The following ARB2A variants were observed in gnomAD, a reference collection of about 807,000 sequenced individuals.
ARB2A encodes cotranscriptional regulator ARB2A.
chr5:93,791,918 T>G, the ARB2A span, among the ~76,000 whole-genome samples: 1 of 150,838 alleles, frequency 6.6e-6, no homozygotes, highest in African/African-American at 2.4e-5. Context: ...ATGTGTAAGA[T>G]AGGTTTAAAA....
At chr5:93,812,161 T>C in the ARB2A span, among the ~76,000 whole-genome samples, 2 of 152,148 alleles carry the variant, frequency 1.3e-5, no homozygotes, top group African/African-American at 2.4e-5. Flanking sequence ...TATGTAGACA[T>C]AATATAAATA....
At chr5:93,825,599 A>G in the ARB2A span, among the ~76,000 whole-genome samples, 1 of 152,088 alleles carries the variant, frequency 6.6e-6, no homozygotes, top group South Asian at 2.1e-4. Flanking sequence ...CTTGAATGAG[A>G]TCCTCTCCAG....
chr5:93,890,528 C>G, the ARB2A span, among the ~76,000 whole-genome samples: 1 of 151,646 alleles, frequency 6.6e-6, no homozygotes, highest in African/African-American at 2.4e-5. Flanking sequence ...TTTAAATTTC[C>G]TTTTTAGAAA....
chr5:93,794,341 G>A, the ARB2A span, among the ~76,000 whole-genome samples: 1 of 151,876 alleles, frequency 6.6e-6, no homozygotes, highest in African/African-American at 2.4e-5. Context: ...TCATGTGTTT[G>A]ATTTTTTAAA....
At chr5:94,030,716 G>T in the ARB2A span, among the ~76,000 whole-genome samples, 1 of 152,200 alleles carries the variant, frequency 6.6e-6, no homozygotes, top group South Asian at 2.1e-4. Flanking sequence ...GTATTGGGAG[G>T]TGGAGCCTTT....
chr5:93,966,951 T>A, the ARB2A span, among the ~76,000 whole-genome samples: 11 of 152,090 alleles, frequency 7.2e-5, 1 homozygote, highest in South Asian at 2.3e-3. Context: ...CTTAAAATTG[T>A]ACATGAATTC....
At chr5:93,782,575 T>G in the ARB2A span, among the ~76,000 whole-genome samples, 5 of 152,156 alleles carry the variant, frequency 3.3e-5, no homozygotes, top group Non-Finnish European at 5.9e-5. Context: ...AAACAAAAGA[T>G]GAATACAGTT....
the ARB2A span, among the ~76,000 whole-genome samples, chr5:94,040,899 C>T: frequency 1.3e-5 from 2 of 152,104 alleles, no homozygotes; most frequent in African/African-American, 2.4e-5. Flanking sequence ...GTCTATGTTT[C>T]GTCACACGTA....
chr5:93,691,287 T>C, the ARB2A span, among the ~76,000 whole-genome samples: 2 of 150,980 alleles, frequency 1.3e-5, no homozygotes, highest in Admixed American at 6.6e-5. Context: ...TGAAAAAAGG[T>C]TAGAGGAATT....
the ARB2A span, among the ~76,000 whole-genome samples, chr5:94,041,093 G>A: frequency 4.6e-5 from 7 of 150,554 alleles, no homozygotes; most frequent in African/African-American, 9.8e-5. Flanking sequence ...TGTCTCTCTC[G>A]GTCTCTCTCT....
At chr5:94,103,159 T>C in the ARB2A span, among the ~76,000 whole-genome samples, 17 of 152,120 alleles carry the variant, frequency 1.1e-4, no homozygotes, top group Non-Finnish European at 2.1e-4. Context: ...GATCAAATGT[T>C]CACATATCAA....
At chr5:93,910,770 A>T in the ARB2A span, 2 of 151,506 alleles carry the variant, frequency 1.3e-5, no homozygotes, top group Non-Finnish European at 3.0e-5. Flanking sequence ...TTAACATTTT[A>T]AACTACAGGG....
the ARB2A span, among the ~76,000 whole-genome samples, chr5:93,806,200 T>C: frequency 6.6e-6 from 1 of 151,986 alleles, no homozygotes; most frequent in Non-Finnish European, 1.5e-5. Flanking sequence ...TTACACAGAT[T>C]GGATTTAGTT....
chr5:93,868,925 T>C, the ARB2A span, among the ~76,000 whole-genome samples: 1 of 152,226 alleles, frequency 6.6e-6, no homozygotes, highest in Non-Finnish European at 1.5e-5. Context: ...ACTCCATTTA[T>C]CTAGTCACAT....
At chr5:93,756,052 G>A in the ARB2A span, among the ~76,000 whole-genome samples, 4 of 152,158 alleles carry the variant, frequency 2.6e-5, no homozygotes, top group African/African-American at 9.7e-5. Context: ...GTGGGAGTGA[G>A]ACCAGCCCTT....
chr5:93,881,556 A>G, the ARB2A span: 1 of 1,611,058 alleles, frequency 6.2e-7, no homozygotes, highest in Non-Finnish European at 8.5e-7. Flanking sequence ...GTTTCTTTAG[A>G]AACTTTATCT....
the ARB2A span, among the ~76,000 whole-genome samples, chr5:93,966,259 A>G: frequency 6.6e-6 from 1 of 152,118 alleles, no homozygotes; most frequent in Non-Finnish European, 1.5e-5. Flanking sequence ...TGAAGTAACA[A>G]CAAAACCAAT....
chr5:94,063,346 C>T, the ARB2A span, among the ~76,000 whole-genome samples: 1 of 152,166 alleles, frequency 6.6e-6, no homozygotes, highest in Non-Finnish European at 1.5e-5. Flanking sequence ...CTCACACATG[C>T]CACCTGCAGG....
the ARB2A span, among the ~76,000 whole-genome samples, chr5:93,931,591 A>G: frequency 6.6e-6 from 1 of 152,232 alleles, no homozygotes; most frequent in African/African-American, 2.4e-5. Context: ...TCCCAAATAC[A>G]TCTTCCAATT....
Sources: allele counts gnomAD v4.1 joint callset (sites outside exome capture counted in the v4.1 genomes callset), GRCh38; gene constraint gnomAD v4.1.1; transcripts MANE v1.5; gene names NCBI Gene and HGNC (gene_info 2026-07-23, HGNC 2026-07-21).